SLC24A3: variants seen among roughly 807,000 people sequenced by gnomAD.
The protein encoded by SLC24A3 is solute carrier family 24 member 3.
A neutral mutation model predicts 75.8 loss-of-function variants in SLC24A3; 28 were observed. That is an observed-to-expected ratio of 0.37 (90% CI 0.27 to 0.51). The LOEUF (loss-of-function observed/expected upper bound fraction) is 0.51. Ranked by LOEUF, SLC24A3 falls within the 20% of genes least tolerant of loss-of-function variation. The probability of loss-of-function intolerance (pLI) is 0.94; values close to 1 mark genes in which losing one functional copy is unlikely to be tolerated. For synonymous variants in SLC24A3, 372 were observed against 334.1 expected (o/e 1.11, Z -1.24); for missense variants, 663 against 847.8 (o/e 0.78, Z 2.71).
chr20:19,694,082 TA>T (rs1322455506), intron 13 of SLC24A3: 1 of 152,268 alleles, frequency 6.6e-6, no homozygotes, highest in East Asian at 1.9e-4. Context: ...CTTCTGAGGC[TA>T]AAATAATGAC....
At chr20:19,633,824 C>A (rs1402899407) in intron 6 of SLC24A3, among the ~76,000 whole-genome samples, 2 of 151,940 alleles carry the variant, frequency 1.3e-5, no homozygotes, top group Non-Finnish European at 2.9e-5. Context: ...GGCACAATTC[C>A]CCCCATAACA....
intron 2 of SLC24A3, among the ~76,000 whole-genome samples, chr20:19,427,059 G>A (rs1222246453): frequency 6.6e-6 from 1 of 152,114 alleles, no homozygotes. Context: ...GTGTGTGCGT[G>A]TGTGTGTGCA....
chr20:19,647,384 T>C (rs568646911), intron 6 of SLC24A3, among the ~76,000 whole-genome samples: 1 of 152,334 alleles, frequency 6.6e-6, no homozygotes, highest in Non-Finnish European at 1.5e-5. Flanking sequence ...TAAATTACCC[T>C]AAATGTCCTA....
intron 2 of SLC24A3, among the ~76,000 whole-genome samples, chr20:19,310,647 T>A (rs1418441706): frequency 6.6e-6 from 1 of 152,338 alleles, no homozygotes; most frequent in Non-Finnish European, 1.5e-5. Context: ...CTGCAGCCTA[T>A]GAAGCCTTGC....
rs766438732 is a variant in SLC24A3, at chr20:19,228,222, G to GT, written c.142+15245dup. Among the ~76,000 whole-genome samples, 29 of 152,232 alleles carry GT rather than the reference G, an allele frequency of 1.9e-4. 2 individuals are homozygous for GT. In the East Asian group the frequency reaches 2.5e-3, roughly 13 times the overall value. Reference sequence around the variant, plus strand: ...TTTAGGTTCATTCTGTAGCTGAGGAGTTTTTTTACTGTTGGAAGACTATGT... The same window carrying GT: ...TTTAGGTTCATTCTGTAGCTGAGGAGTTTTTTTTACTGTTGGAAGACTATGT... On this transcript the variant is annotated intron_variant, in intron 1 of 16. Coordinates refer to ENST00000328041, the MANE Select transcript of SLC24A3 (RefSeq NM_020689.4).
At chr20:19,690,849 A>G (rs1017269777) in intron 12 of SLC24A3, among the ~76,000 whole-genome samples, 63 of 152,214 alleles carry the variant, frequency 4.1e-4, no homozygotes, top group African/African-American at 1.5e-3. Flanking sequence ...AGCTAATAGG[A>G]AAACACTTCT....
intron 1 of SLC24A3, among the ~76,000 whole-genome samples, chr20:19,273,593 C>G (rs1014302689): frequency 1.3e-5 from 2 of 152,172 alleles, no homozygotes; most frequent in African/African-American, 2.4e-5. Context: ...GGAGCAGTAA[C>G]TCAGACTCCA....
At chr20:19,701,129 A>G (rs1313184053) in intron 15 of SLC24A3, among the ~76,000 whole-genome samples, 1 of 152,156 alleles carries the variant, frequency 6.6e-6, no homozygotes, top group African/African-American at 2.4e-5. Flanking sequence ...AGCCTTTCAC[A>G]TGTCTGTCTT....
chr20:19,508,394 T>A (rs1164469463), intron 2 of SLC24A3, among the ~76,000 whole-genome samples: 1 of 152,150 alleles, frequency 6.6e-6, no homozygotes, highest in African/African-American at 2.4e-5. Context: ...TGCTCAGACA[T>A]GTTAAGGGAG....
intron 14 of SLC24A3, among the ~76,000 whole-genome samples, chr20:19,698,245 C>A (rs6046261): frequency 9.5e-4 from 145 of 152,198 alleles, no homozygotes; most frequent in Non-Finnish European, 1.8e-3. Context: ...CCCGCCAAGC[C>A]TCACCTCCAA....
chr20:19,260,857 G>A (rs151246327), intron 1 of SLC24A3, among the ~76,000 whole-genome samples: 11 of 152,188 alleles, frequency 7.2e-5, no homozygotes, highest in East Asian at 3.9e-4. Flanking sequence ...GGACCGACAC[G>A]CTCCTCTTAC....
At chr20:19,505,680 G>A (rs76321847) in intron 2 of SLC24A3, among the ~76,000 whole-genome samples, 2,768 of 152,176 alleles carry the variant, frequency 0.018, 75 homozygotes, top group African/African-American at 0.063. Context: ...TCTCATCCAG[G>A]TAATGAGGGA....
chr20:19,463,591 A>G (rs1250045101), intron 2 of SLC24A3, among the ~76,000 whole-genome samples: 1 of 152,254 alleles, frequency 6.6e-6, no homozygotes, highest in Non-Finnish European at 1.5e-5. Context: ...ATGGGCCATC[A>G]GTCAGTTACA....
intron 2 of SLC24A3, among the ~76,000 whole-genome samples, chr20:19,412,269 G>T (rs1465363892): frequency 6.6e-6 from 1 of 152,090 alleles, no homozygotes; most frequent in Non-Finnish European, 1.5e-5. Flanking sequence ...AGAAAGATGG[G>T]CTTGGTTGGG....
intron 4 of SLC24A3, among the ~76,000 whole-genome samples, chr20:19,581,233 C>T (rs1568662480): frequency 6.6e-6 from 1 of 152,036 alleles, no homozygotes; most frequent in Non-Finnish European, 1.5e-5. Flanking sequence ...AGTGGGGTCA[C>T]CTTATGTCGA....
intron 6 of SLC24A3, among the ~76,000 whole-genome samples, chr20:19,594,788 G>A (rs1245793825): frequency 2.0e-5 from 3 of 152,108 alleles, no homozygotes; most frequent in African/African-American, 7.2e-5. Context: ...GATATATGGA[G>A]TCAAGTGGTG....
At chr20:19,693,715 C>G in intron 13 of SLC24A3, 1 of 316,850 alleles carries the variant, frequency 3.2e-6, no homozygotes, top group Non-Finnish European at 5.8e-6. Context: ...GGGTCCATGT[C>G]TACTCCACGT....
At chr20:19,223,774 A>C (rs1981795293) in intron 1 of SLC24A3, among the ~76,000 whole-genome samples, 1 of 152,178 alleles carries the variant, frequency 6.6e-6, no homozygotes, top group Admixed American at 6.5e-5. Flanking sequence ...CAGGTGCATG[A>C]CGTAGGCCTG....
intron 1 of SLC24A3, among the ~76,000 whole-genome samples, chr20:19,266,813 A>T (rs1364582891): frequency 1.3e-5 from 2 of 152,236 alleles, no homozygotes; most frequent in Non-Finnish European, 2.9e-5. Context: ...TGAAGCTGTG[A>T]TCCTTAGGAA....
Sources: allele counts gnomAD v4.1 joint callset (sites outside exome capture counted in the v4.1 genomes callset), GRCh38; gene constraint gnomAD v4.1.1; transcripts MANE v1.5; gene names NCBI Gene and HGNC (gene_info 2026-07-23, HGNC 2026-07-21).